Variants in RALGAPA2 observed in about 807,000 individuals in gnomAD.
RALGAPA2 encodes Ral GTPase activating protein catalytic subunit alpha 2, also known as ral GTPase-activating protein subunit alpha-2.
RALGAPA2 carries 139 observed loss-of-function variants against 230.4 expected under a neutral mutation model. The observed-to-expected ratio is 0.60, with a 90% CI of 0.53 to 0.69. RALGAPA2 has a LOEUF of 0.69. Ranked by LOEUF, RALGAPA2 falls within the 30% of genes least tolerant of loss-of-function variation. RALGAPA2 has a pLI of 0.00. For synonymous variants in RALGAPA2, 847 were observed against 837.8 expected (o/e 1.01, Z -0.19); for missense variants, 2,163 against 2,276.0 (o/e 0.95, Z 1.01).
At chr20:20,550,292 G>A (rs556713458) in intron 23 of RALGAPA2, among the ~76,000 whole-genome samples, 1 of 152,134 alleles carries the variant, frequency 6.6e-6, no homozygotes, top group Non-Finnish European at 1.5e-5. Context: ...CAATTATTCT[G>A]AAAAATTTAT....
At chr20:20,590,152 GAATAC>G (rs1362609556) in intron 17 of RALGAPA2, among the ~76,000 whole-genome samples, 2 of 151,800 alleles carry the variant, frequency 1.3e-5, no homozygotes, top group African/African-American at 4.8e-5. Context: ...CAATTTTCAA[GAATAC>G]AATACACTGT....
intron 34 of RALGAPA2, among the ~76,000 whole-genome samples, chr20:20,504,772 T>C (rs372873072): frequency 4.5e-4 from 68 of 152,146 alleles, no homozygotes; most frequent in African/African-American, 1.5e-3. Flanking sequence ...ATTTTAGATA[T>C]GTTGATTTCC....
chr20:20,468,890 C>G (rs1194741589), intron 37 of RALGAPA2, among the ~76,000 whole-genome samples: 1 of 152,124 alleles, frequency 6.6e-6, no homozygotes, highest in East Asian at 1.9e-4. Flanking sequence ...GACCCCTGCT[C>G]TCTCTCAGAA....
chr20:20,599,260 T>C (rs2065560174), intron 16 of RALGAPA2, among the ~76,000 whole-genome samples: 1 of 152,190 alleles, frequency 6.6e-6, no homozygotes, highest in Non-Finnish European at 1.5e-5. Context: ...AATCATTTAG[T>C]AAATTAAATA....
rs201200833 is a variant in RALGAPA2, at chr20:20,667,523, C to CA, written c.270+8712dup. 7.2e-3 allele frequency among the ~76,000 whole-genome samples: 1,091 copies of CA among 152,304 alleles called. 11 individuals carry two copies. The highest frequency in any genetic ancestry group is 0.025 in the African/African-American group (1,047 of 41,552). On this transcript the variant is annotated intron_variant, in intron 3 of 39. Transcript: ENST00000202677. ...TAATAAATCGCAAGCAATCAAATTT[C>CA]AATACCAAAGGAAAAACAAAAGCTA...
At chr20:20,441,925 CTTTCA>C (rs1303781697) in intron 37 of RALGAPA2, among the ~76,000 whole-genome samples, 6 of 151,920 alleles carry the variant, frequency 3.9e-5, no homozygotes, top group African/African-American at 1.2e-4. Context: ...TTGGATTTCA[CTTTCA>C]TTTAAGAAAA....
At chr20:20,412,190 G>T in intron 37 of RALGAPA2, 42 bp from the exon 38 acceptor site, 1 of 1,607,178 alleles carries the variant, frequency 6.2e-7, no homozygotes, top group Non-Finnish European at 8.5e-7. Flanking sequence ...GTGCAAAGTG[G>T]CATGCAGAGC....
intron 35 of RALGAPA2, among the ~76,000 whole-genome samples, chr20:20,497,125 T>C (rs1265788426): frequency 1.3e-5 from 2 of 152,200 alleles, no homozygotes; most frequent in African/African-American, 4.8e-5. Context: ...ACCCCTTACA[T>C]AGTTTTAAAC....
intron 18 of RALGAPA2, 54 bp from the exon 19 acceptor site, chr20:20,585,009 A>C: frequency 1.6e-6 from 2 of 1,248,880 alleles, no homozygotes; most frequent in Non-Finnish European, 2.3e-6. Context: ...CATTGTTATA[A>C]GACTTAAGTT....
intron 37 of RALGAPA2, among the ~76,000 whole-genome samples, chr20:20,430,811 C>T (rs566911637): frequency 6.6e-5 from 10 of 152,248 alleles, no homozygotes; most frequent in South Asian, 6.2e-4. Flanking sequence ...ATATACTCTA[C>T]GTAGACCCCA....
rs13044331 is a variant in RALGAPA2, at chr20:20,655,898, G to T, written c.271-2311C>A. On this transcript the variant is annotated intron_variant, in intron 3 of 39. Coordinates refer to ENST00000202677, the MANE Select transcript of RALGAPA2 (RefSeq NM_020343.4). ...ATGGCTCCCAGTGGCTTTGTAGATG[G>T]CAACACCTTTATCCAAGAGATCAAA... Among the ~76,000 whole-genome samples, 11 of 152,056 alleles carry T rather than the reference G, an allele frequency of 7.2e-5. No individual in the cohort carries two copies. In the South Asian group the frequency reaches 2.1e-3, roughly 29 times the overall value.
rs1191795757 is a variant in RALGAPA2, at chr20:20,391,140, CCTACAGGGGA to C, written c.*2139_*2148del. 12 of 152,186 alleles carry C rather than the reference CCTACAGGGGA, an allele frequency of 7.9e-5. No individual in the cohort carries two copies. The highest frequency in any genetic ancestry group is 1.3e-4 in the Non-Finnish European group (9 of 68,040). 9.4% of individuals were successfully genotyped at this position (152,186 alleles called of 1,614,324 possible). ...CCCAGAGGCGACCTGCTGGTAGAGACCTACAGGGGACTCTGGAGCCTAGGAGCATGCGATG... is the reference window on the plus strand; with the variant it reads ...CCCAGAGGCGACCTGCTGGTAGAGACCTCTGGAGCCTAGGAGCATGCGATG... On this transcript the variant is annotated 3_prime_UTR_variant, in exon 40 of 40. Coordinates refer to ENST00000202677, the MANE Select transcript of RALGAPA2 (RefSeq NM_020343.4).
chr20:20,509,373 A>G (rs1159082241), intron 33 of RALGAPA2, among the ~76,000 whole-genome samples: 3 of 152,234 alleles, frequency 2.0e-5, no homozygotes, highest in African/African-American at 7.2e-5. Context: ...TTAAAATGGC[A>G]ATGGAGCTGC....
At chr20:20,504,400 G>A (rs915871678) in intron 34 of RALGAPA2, among the ~76,000 whole-genome samples, 2 of 152,070 alleles carry the variant, frequency 1.3e-5, no homozygotes, top group Admixed American at 1.3e-4. Context: ...GCTCTCAAAG[G>A]CACCCAGAGA....
chr20:20,658,574 A>G (rs1336171543), intron 3 of RALGAPA2, among the ~76,000 whole-genome samples: 3 of 152,256 alleles, frequency 2.0e-5, no homozygotes, highest in Non-Finnish European at 4.4e-5. Context: ...AAAAACACAC[A>G]GCTCTATTTA....
At chr20:20,600,503 A>G (rs1186033400) in intron 16 of RALGAPA2, among the ~76,000 whole-genome samples, 2 of 152,238 alleles carry the variant, frequency 1.3e-5, no homozygotes, top group Non-Finnish European at 2.9e-5. Context: ...AGCAAATGCT[A>G]CAGCAAAAAA....
At chr20:20,619,143 CT>C in intron 12 of RALGAPA2, 133 bp downstream of exon 12, 1 of 953,220 alleles carries the variant, frequency 1.0e-6, no homozygotes, top group Non-Finnish European at 1.4e-6. Flanking sequence ...AATTAAATTG[CT>C]GTTTATCGTT....
intron 3 of RALGAPA2, among the ~76,000 whole-genome samples, chr20:20,664,988 T>C (rs1603224137): frequency 6.6e-6 from 1 of 152,144 alleles, no homozygotes. Context: ...AAACACTAGA[T>C]GTCACTCTGT....
At chr20:20,709,369 C>A (rs1047117690) in intron 1 of RALGAPA2, among the ~76,000 whole-genome samples, 18 of 151,856 alleles carry the variant, frequency 1.2e-4, no homozygotes, top group African/African-American at 3.9e-4. Flanking sequence ...ATGCCTGTAG[C>A]CCCAGCTACT....
Sources: allele counts gnomAD v4.1 joint callset (sites outside exome capture counted in the v4.1 genomes callset), GRCh38; gene constraint gnomAD v4.1.1; transcripts MANE v1.5; gene names NCBI Gene and HGNC (gene_info 2026-07-23, HGNC 2026-07-21).